Variants in LUZP2 observed in about 807,000 individuals in gnomAD.
LUZP2 encodes the protein leucine zipper protein 2.
Under a neutral mutation model 51.6 loss-of-function variants are expected in LUZP2, and 52 were observed. The observed-to-expected ratio is 1.01, with a 90% CI of 0.81 to 1.27. The LOEUF is 1.27. LUZP2 is among the 50% of genes most tolerant of loss of function. The pLI, the probability that LUZP2 is intolerant of heterozygous loss-of-function variation, is 0.00. For missense variants in LUZP2, 436 were observed against 395.4 expected (o/e 1.10, Z -0.87); for synonymous variants, 154 against 137.3 (o/e 1.12, Z -0.85).
intron 1 of LUZP2, among the ~76,000 whole-genome samples, chr11:24,595,637 C>T (rs145058890): frequency 3.9e-5 from 6 of 152,230 alleles, no homozygotes; most frequent in African/African-American, 1.4e-4. Flanking sequence ...TATGCCTCCC[C>T]ATAGCCAGTT....
At chr11:24,865,632 T>A (rs75429147) in intron 5 of LUZP2, among the ~76,000 whole-genome samples, 2,244 of 152,100 alleles carry the variant, frequency 0.015, 47 homozygotes, top group African/African-American at 0.051. Context: ...CCTCAGATGG[T>A]TATTTGACAG....
intron 4 of LUZP2, among the ~76,000 whole-genome samples, chr11:24,746,840 C>A (rs1859401084): frequency 6.6e-6 from 1 of 152,136 alleles, no homozygotes; most frequent in Admixed American, 6.6e-5. Flanking sequence ...GGGTTCAATT[C>A]TATTGTGAGA....
At chr11:24,692,567 T>G (rs1857108911) in intron 1 of LUZP2, among the ~76,000 whole-genome samples, 1 of 152,060 alleles carries the variant, frequency 6.6e-6, no homozygotes, top group African/African-American at 2.4e-5. Flanking sequence ...ACCAAAAAAT[T>G]GAAATAAATG....
At chr11:24,866,487 G>T (rs1284143963) in intron 5 of LUZP2, among the ~76,000 whole-genome samples, 1 of 151,856 alleles carries the variant, frequency 6.6e-6, no homozygotes, top group African/African-American at 2.4e-5. Flanking sequence ...AATGACATCT[G>T]CAAATTTACT....
At chr11:24,708,735 CAAT>C (rs776817388) in intron 1 of LUZP2, among the ~76,000 whole-genome samples, 6 of 147,526 alleles carry the variant, frequency 4.1e-5, no homozygotes, top group Admixed American at 6.8e-5. Context: ...AGTTGCCAGA[CAAT>C]GATGATACTG....
At chr11:24,952,193 A>G (rs1011905782) in intron 7 of LUZP2, among the ~76,000 whole-genome samples, 2 of 151,746 alleles carry the variant, frequency 1.3e-5, no homozygotes, top group Non-Finnish European at 3.0e-5. Context: ...TGTTGTTATC[A>G]TCGCCATCGT....
At chr11:24,730,243 AT>A (rs1490223245) in intron 2 of LUZP2, among the ~76,000 whole-genome samples, 2 of 151,750 alleles carry the variant, frequency 1.3e-5, no homozygotes, top group African/African-American at 4.8e-5. Flanking sequence ...TAATTTTCAC[AT>A]GAAGACTGTT....
chr11:24,821,728 C>T (rs1850364042), intron 5 of LUZP2, among the ~76,000 whole-genome samples: 1 of 151,962 alleles, frequency 6.6e-6, no homozygotes, highest in Non-Finnish European at 1.5e-5. Context: ...TAAAAAATAA[C>T]ATATTTTCAG....
intron 5 of LUZP2, among the ~76,000 whole-genome samples, chr11:24,828,524 A>G (rs17307180): frequency 0.17 from 24,932 of 150,520 alleles, 2,116 homozygotes; most frequent in South Asian, 0.22. Context: ...CTCCTGCACT[A>G]CAGATACCTT....
intron 1 of LUZP2, among the ~76,000 whole-genome samples, chr11:24,667,821 T>A (rs1267788280): frequency 6.6e-6 from 1 of 152,222 alleles, no homozygotes; most frequent in African/African-American, 2.4e-5. Context: ...CTTTGCAGAA[T>A]TGACCCCTCA....
chr11:24,929,885 T>C (rs1854393981), intron 7 of LUZP2, among the ~76,000 whole-genome samples: 1 of 152,104 alleles, frequency 6.6e-6, no homozygotes, highest in Non-Finnish European at 1.5e-5. Flanking sequence ...TTATCAGTAG[T>C]TATCGTCTTA....
At chr11:24,647,238 T>G (rs2133955722) in intron 1 of LUZP2, among the ~76,000 whole-genome samples, 1 of 152,152 alleles carries the variant, frequency 6.6e-6, no homozygotes, top group South Asian at 2.1e-4. Context: ...TAGCACCTAC[T>G]TAATTCAAAA....
chr11:24,664,698 T>C (rs1193099855), intron 1 of LUZP2, among the ~76,000 whole-genome samples: 2 of 152,142 alleles, frequency 1.3e-5, no homozygotes, highest in African/African-American at 2.4e-5. Context: ...GCTTACATCA[T>C]TGCTTCAGAT....
intron 5 of LUZP2, among the ~76,000 whole-genome samples, chr11:24,847,127 A>C (rs902887024): frequency 2.0e-5 from 3 of 151,946 alleles, no homozygotes; most frequent in Admixed American, 6.6e-5. Context: ...TATTTTCTAA[A>C]TATTCCTGTG....
chr11:24,906,138 A>G, intron 6 of LUZP2, 85 bp downstream of exon 6: 1 of 856,138 alleles, frequency 1.2e-6, no homozygotes, highest in South Asian at 1.7e-5. Flanking sequence ...ACATCTGGTA[A>G]CTCTTTTTCC....
At chr11:24,949,172 C>A (rs1382752763) in intron 7 of LUZP2, among the ~76,000 whole-genome samples, 1 of 151,206 alleles carries the variant, frequency 6.6e-6, no homozygotes, top group African/African-American at 2.4e-5. Context: ...AGGCAGGATG[C>A]AAAAAGGGTA....
intron 1 of LUZP2, among the ~76,000 whole-genome samples, chr11:24,631,694 T>A (rs1172903403): frequency 2.0e-5 from 3 of 151,898 alleles, no homozygotes; most frequent in African/African-American, 7.2e-5. Context: ...GGTCTCAGGG[T>A]GATACTAGCC....
intron 7 of LUZP2, among the ~76,000 whole-genome samples, chr11:24,948,496 CA>C (rs1431570229): frequency 6.6e-6 from 1 of 151,652 alleles, no homozygotes; most frequent in East Asian, 1.9e-4. Context: ...GTCTGAAGAG[CA>C]GGGCAGGGTT....
At chr11:24,989,811 C>T (rs1221972776) in intron 9 of LUZP2, among the ~76,000 whole-genome samples, 1 of 152,100 alleles carries the variant, frequency 6.6e-6, no homozygotes, top group Non-Finnish European at 1.5e-5. Context: ...ATTTGACCTA[C>T]GTCATCCAAC....
Sources: allele counts gnomAD v4.1 joint callset (sites outside exome capture counted in the v4.1 genomes callset), GRCh38; gene constraint gnomAD v4.1.1; transcripts MANE v1.5; gene names NCBI Gene and HGNC (gene_info 2026-07-23, HGNC 2026-07-21).